ZRANB3: variants seen among roughly 807,000 people sequenced by gnomAD.
The protein encoded by ZRANB3 is DNA annealing helicase and endonuclease ZRANB3.
A neutral mutation model predicts 133.8 loss-of-function variants in ZRANB3; 125 were observed. The observed-to-expected ratio is 0.93, with a 90% CI of 0.81 to 1.08. The LOEUF (loss-of-function observed/expected upper bound fraction) is 1.08. Ranked by LOEUF, ZRANB3 falls within the 50% of genes least tolerant of loss-of-function variation. ZRANB3 has a pLI of 0.00. For synonymous variants in ZRANB3, 387 were observed against 432.7 expected (o/e 0.89, Z 1.31); for missense variants, 1,229 against 1,275.5 (o/e 0.96, Z 0.56).
At chr2:135,210,713 C>G (rs1694061392) in intron 17 of ZRANB3, among the ~76,000 whole-genome samples, 1 of 152,156 alleles carries the variant, frequency 6.6e-6, no homozygotes, top group Non-Finnish European at 1.5e-5. Flanking sequence ...ATGGGTGGGT[C>G]TCCTGAGGTC....
At chr2:135,344,211 G>A (rs1369446829) in intron 6 of ZRANB3, among the ~76,000 whole-genome samples, 2 of 152,138 alleles carry the variant, frequency 1.3e-5, no homozygotes, top group South Asian at 4.1e-4. Context: ...TGAGGTATGA[G>A]GAGATAAAGT....
At chr2:135,496,384 T>TAA (rs56770947) in intron 2 of ZRANB3, among the ~76,000 whole-genome samples, 13 of 33,324 alleles carry the variant, frequency 3.9e-4, no homozygotes, top group African/African-American at 6.7e-4. Flanking sequence ...AACTCCATCT[T>TAA]AAAAAAAAAA....
At chr2:135,353,120 A>G (rs945922739) in intron 4 of ZRANB3, among the ~76,000 whole-genome samples, 2 of 152,164 alleles carry the variant, frequency 1.3e-5, no homozygotes, top group Non-Finnish European at 2.9e-5. Flanking sequence ...AAGTCAATCA[A>G]TGAAAAGTTG....
At chr2:135,496,332 C>T (rs542310388) in intron 2 of ZRANB3, among the ~76,000 whole-genome samples, 17 of 135,776 alleles carry the variant, frequency 1.3e-4, no homozygotes, top group African/African-American at 4.4e-4. Flanking sequence ...TGCAGTGAGC[C>T]AAGATGGCAC....
Position 135,345,554 on chromosome 2 carries a change from T to C in ZRANB3, c.673A>G (p.Ile225Val). The change falls in exon 6 of 21, where the codon ATC (isoleucine) becomes GTC (valine). Residue 225 changes from isoleucine to valine, a missense_variant. Transcript: ENST00000264159. ...ACGGAAAATAGTTTAACTTACCTGA[T>C]GTGTGCATTACAGTATCTTTTTGCA... is the stretch of plus-strand genomic sequence containing the variant. ...DYAKRYCNAH[I>V]RYFGKRPQWD... 6.2e-7 allele frequency: 1 copy of C among 1,608,044 alleles called. No individual in the cohort carries two copies. The highest frequency in any genetic ancestry group is 8.5e-7 in the Non-Finnish European group (1 of 1,177,212).
intron 17 of ZRANB3, among the ~76,000 whole-genome samples, chr2:135,211,443 G>A (rs1384081952): frequency 1.3e-5 from 2 of 151,934 alleles, no homozygotes; most frequent in Admixed American, 6.6e-5. Flanking sequence ...TGGGAGGCAG[G>A]GGCAGGAGAA....
chr2:135,261,258 T>C (rs915328004), intron 12 of ZRANB3, among the ~76,000 whole-genome samples: 30 of 152,192 alleles, frequency 2.0e-4, no homozygotes, highest in African/African-American at 7.0e-4. Flanking sequence ...GCTGAAATTC[T>C]GGCAATGTTC....
intron 2 of ZRANB3, among the ~76,000 whole-genome samples, chr2:135,421,732 A>G (rs1445740302): frequency 6.6e-6 from 1 of 152,006 alleles, no homozygotes; most frequent in Non-Finnish European, 1.5e-5. Context: ...TTTACAAGTG[A>G]CCTGATCATT....
intron 2 of ZRANB3, among the ~76,000 whole-genome samples, chr2:135,397,627 C>T (rs961896654): frequency 1.4e-4 from 22 of 152,138 alleles, no homozygotes; most frequent in Non-Finnish European, 5.9e-5. Flanking sequence ...TTAATTTCTT[C>T]AGCCAAGAAC....
At chr2:135,228,307 G>GTT in intron 13 of ZRANB3, 1 of 176,120 alleles carries the variant, frequency 5.7e-6, no homozygotes, top group Admixed American at 6.2e-5. Flanking sequence ...ACACAACTAA[G>GTT]TTTTGTTTTT....
At chr2:135,499,353 T>G (rs1276802657) in intron 2 of ZRANB3, among the ~76,000 whole-genome samples, 1 of 152,148 alleles carries the variant, frequency 6.6e-6, no homozygotes, top group Non-Finnish European at 1.5e-5. Context: ...AAGATGACAT[T>G]AAAATTGAGA....
chr2:135,403,561 C>T (rs1687848887), intron 2 of ZRANB3, among the ~76,000 whole-genome samples: 1 of 152,250 alleles, frequency 6.6e-6, no homozygotes, highest in Non-Finnish European at 1.5e-5. Flanking sequence ...GCAGAATCCT[C>T]TGCAGACTTA....
intron 2 of ZRANB3, among the ~76,000 whole-genome samples, chr2:135,392,071 A>G (rs1186934202): frequency 6.6e-6 from 1 of 152,162 alleles, no homozygotes; most frequent in African/African-American, 2.4e-5. Flanking sequence ...CCTTTGAGAC[A>G]GCAAACATAT....
In ZRANB3 at chr2:135,440,401, TA is replaced by T. The variant is rs532839374; in HGVS notation, c.162-49582del. ...GCGACAGAGCAAGGAAGGCTCTGTC[TA>T]AAAAAAAAAAAGCATATACAGATTT... is the stretch of plus-strand genomic sequence containing the variant. On this transcript the variant is annotated intron_variant, in intron 2 of 20. Coordinates refer to ENST00000264159, the MANE Select transcript of ZRANB3 (RefSeq NM_032143.4). Among the ~76,000 whole-genome samples the T allele has an allele frequency of 5.2e-3, 727 of 140,046 alleles. 5 individuals are homozygous for T. Among genetic ancestry groups the T allele is most frequent in the South Asian group, 0.032 (141 of 4,430 alleles). The allele number at this position is 140,046 out of a possible 152,430, so 91.9% of individuals were successfully genotyped here. A position where few individuals can be genotyped will look rare whatever the true frequency, so the allele number is the denominator to read the frequency against.
At chr2:135,485,967 A>G (rs923687566) in intron 2 of ZRANB3, among the ~76,000 whole-genome samples, 1 of 152,226 alleles carries the variant, frequency 6.6e-6, no homozygotes, top group Non-Finnish European at 1.5e-5. Flanking sequence ...ATGTATTAAT[A>G]CATATATCAA....
chr2:135,428,625 C>A (rs1232421549), intron 2 of ZRANB3, among the ~76,000 whole-genome samples: 2 of 152,246 alleles, frequency 1.3e-5, no homozygotes, highest in East Asian at 3.9e-4. Context: ...GTCTAGTGTT[C>A]AGAGTCTGTA....
At chr2:135,251,180 C>T (rs543017007) in intron 12 of ZRANB3, among the ~76,000 whole-genome samples, 74 of 152,318 alleles carry the variant, frequency 4.9e-4, no homozygotes, top group Middle Eastern at 6.8e-3. Context: ...TTCAGACTTG[C>T]ATGGGCCCTG....
chr2:135,492,571 A>G (rs886621892), intron 2 of ZRANB3, among the ~76,000 whole-genome samples: 11 of 152,234 alleles, frequency 7.2e-5, no homozygotes, highest in Non-Finnish European at 1.3e-4. Context: ...GCAAACACCT[A>G]GAAATGCTAA....
intron 16 of ZRANB3, among the ~76,000 whole-genome samples, chr2:135,218,620 G>T (rs1694410267): frequency 6.6e-6 from 1 of 152,120 alleles, no homozygotes; most frequent in Non-Finnish European, 1.5e-5. Context: ...ATCAGCCACA[G>T]ATCAGTGTTA....
Sources: gnomAD v4.1 joint callset for allele counts (sites outside exome capture counted in the v4.1 genomes callset) on GRCh38, gnomAD v4.1.1 for gene constraint, MANE v1.5 for transcripts, NCBI Gene and HGNC (gene_info 2026-07-23, HGNC 2026-07-21) for gene names.